TMEM68: variants seen among roughly 807,000 people sequenced by gnomAD.
The protein encoded by TMEM68 is DGAT1/2-independent enzyme synthesizing storage lipids.
TMEM68 carries 25 observed loss-of-function variants against 36.9 expected under a neutral mutation model. That is an observed-to-expected ratio of 0.68 (90% CI 0.49 to 0.95). TMEM68 has a LOEUF of 0.95. TMEM68 is among the 40% of genes least tolerant of loss of function. The pLI is 0.00. For missense variants in TMEM68, 333 were observed against 392.0 expected, an observed-to-expected ratio of 0.85 and a Z score of 1.27; for synonymous variants, 131 against 124.4, an observed-to-expected ratio of 1.05 and a Z score of -0.35.
chr8:55,753,397 A>G (rs779945847), intron 4 of TMEM68, among the ~76,000 whole-genome samples: 12 of 152,220 alleles, frequency 7.9e-5, no homozygotes, highest in Non-Finnish European at 1.5e-4. Context: ...GAAGTAAAAT[A>G]AATCAAAATG....
Position 55,750,764 on chromosome 8 carries a change from T to A in TMEM68, c.687+200A>T, listed in dbSNP as rs1585713600. 1.4e-5 allele frequency: 7 copies of A among 486,262 alleles called. No homozygotes were observed. In the East Asian group the frequency reaches 2.8e-4, roughly 20 times the overall value. 30.1% of individuals were successfully genotyped at this position (486,262 alleles called of 1,614,324 possible). On this transcript the variant is annotated intron_variant, in intron 5 of 7. Transcript: ENST00000434581. ...CATGTTGGCCAGGCTGGTCTCAAAC[T>A]CCTGACCTCATGATACATCCACCTC...
chr8:55,748,831 T>C (rs1297543422), intron 5 of TMEM68, among the ~76,000 whole-genome samples: 2 of 152,134 alleles, frequency 1.3e-5, no homozygotes. Flanking sequence ...CCTCAAGTGA[T>C]CCTCCTGCCT....
chr8:55,758,767 C>A (rs957317467), intron 3 of TMEM68, among the ~76,000 whole-genome samples: 23 of 152,156 alleles, frequency 1.5e-4, no homozygotes, highest in Non-Finnish European at 1.0e-4. Flanking sequence ...GATCGTGCCA[C>A]TGCACTCCAG....
intron 4 of TMEM68, among the ~76,000 whole-genome samples, chr8:55,752,721 C>CT (rs61195952): frequency 0.016 from 1,681 of 102,718 alleles, 24 homozygotes; most frequent in African/African-American, 0.032. Context: ...TATAGGATCC[C>CT]TTTTTTTTTT....
At chr8:55,741,349 T>C (rs1810096776) in intron 7 of TMEM68, among the ~76,000 whole-genome samples, 1 of 152,256 alleles carries the variant, frequency 6.6e-6, no homozygotes, top group Admixed American at 6.5e-5. Flanking sequence ...CTTCAGGTAC[T>C]TAACACAGTG....
At position 55,739,931 on chromosome 8, in the gene TMEM68, G is replaced by A. The variant is rs1810046891; in HGVS notation, c.*201C>T. On this transcript the variant is annotated 3_prime_UTR_variant, in exon 8 of 8. Transcript: ENST00000434581. Reference sequence around the variant, plus strand: ...AAGACATCTTTTTCTGAATTACTAGGTGTGTAATTTGTTAGTATTTGACAC... The same window carrying A: ...AAGACATCTTTTTCTGAATTACTAGATGTGTAATTTGTTAGTATTTGACAC... 2.0e-6 allele frequency: 1 copy of A among 495,040 alleles called. No homozygotes were observed. Among genetic ancestry groups the A allele is most frequent in the Admixed American group, 3.8e-5 (1 of 26,326 alleles). 30.7% of individuals were successfully genotyped at this position (495,040 alleles called of 1,614,324 possible). A position where few individuals can be genotyped will look rare whatever the true frequency, so the allele number is the denominator to read the frequency against.
At chr8:55,760,044 T>C (rs1810734990) in intron 3 of TMEM68, among the ~76,000 whole-genome samples, 1 of 152,372 alleles carries the variant, frequency 6.6e-6, no homozygotes, top group Middle Eastern at 3.4e-3. Flanking sequence ...AGCTTCCTGC[T>C]AACACAGCCT....
chr8:55,757,268 C>G (rs1810635066), intron 3 of TMEM68, among the ~76,000 whole-genome samples: 1 of 152,120 alleles, frequency 6.6e-6, no homozygotes, highest in Non-Finnish European at 1.5e-5. Flanking sequence ...GGGTGATAAA[C>G]CCCTCTAAGG....
At chr8:55,758,817 A>G (rs1386961100) in intron 3 of TMEM68, among the ~76,000 whole-genome samples, 2 of 152,202 alleles carry the variant, frequency 1.3e-5, no homozygotes, top group African/African-American at 4.8e-5. Flanking sequence ...AAAAATAAAA[A>G]TAAATAAATA....
chr8:55,765,663 C>A (rs1385042803), intron 1 of TMEM68, among the ~76,000 whole-genome samples: 2 of 152,192 alleles, frequency 1.3e-5, no homozygotes, highest in African/African-American at 4.8e-5. Context: ...ACAAACTACA[C>A]TTGAAAAAAA....
rs772434957 is a variant in TMEM68, at chr8:55,762,911, A to G, written c.49T>C (p.Tyr17His). Reference protein sequence around the residue: ...TCGVGQDSVPYMICLIHILEE... With the variant: ...TCGVGQDSVPHMICLIHILEE... ...AGTATGTGAATCAGACAAATCATAT[A>G]GGGCACAGAATCCTGTCCTACACCA... The change falls in exon 3 of 8, where the codon TAT (tyrosine) becomes CAT (histidine). Residue 17 changes from tyrosine to histidine, a missense_variant. By Grantham distance (83) the Tyr-to-His change is moderately conservative (BLOSUM62 2). Transcript: ENST00000434581. 3 of 1,613,868 alleles carry G rather than the reference A, an allele frequency of 1.9e-6. No individual in the cohort carries two copies. Among genetic ancestry groups the G allele is most frequent in the South Asian group, 2.2e-5 (2 of 90,960 alleles).
Position 55,762,852 on chromosome 8 carries a change from G to C in TMEM68, c.108C>G (p.Asp36Glu). The C allele has an allele frequency of 6.2e-7, 1 of 1,614,142 alleles. No individual in the cohort carries two copies. The highest frequency in any genetic ancestry group is 8.5e-7 in the Non-Finnish European group (1 of 1,180,020). The change falls in exon 3 of 8, where the codon GAC becomes GAG. Residue 36 changes from aspartate to glutamate, a missense_variant. Coordinates refer to ENST00000434581, the MANE Select transcript of TMEM68 (RefSeq NM_001286657.2). ...EEWFGVEQLE[D>E]YLNFANYLLW... ...AGAGATAGTTTGCAAAATTCAAATA[G>C]TCCTCCAACTGCTCCACACCAAACC...
intron 3 of TMEM68, among the ~76,000 whole-genome samples, chr8:55,758,791 G>C (rs1265192305): frequency 6.6e-6 from 1 of 152,142 alleles, no homozygotes; most frequent in African/African-American, 2.4e-5. Flanking sequence ...GGGTGACAGT[G>C]CGAGACCCTG....
At chr8:55,767,299 T>C (rs1308285104) in intron 1 of TMEM68, among the ~76,000 whole-genome samples, 1 of 152,196 alleles carries the variant, frequency 6.6e-6, no homozygotes, top group Non-Finnish European at 1.5e-5. Context: ...CTTATAAGCA[T>C]CTAAGCATAG....
intron 5 of TMEM68, chr8:55,747,915 G>GA (rs946068151): frequency 1.3e-5 from 2 of 152,044 alleles, no homozygotes; most frequent in African/African-American, 4.8e-5. Flanking sequence ...TATATCTACT[G>GA]ACTGGCATGA....
chr8:55,756,819 G>T (rs1810622582), intron 3 of TMEM68, among the ~76,000 whole-genome samples: 1 of 152,164 alleles, frequency 6.6e-6, no homozygotes, highest in Non-Finnish European at 1.5e-5. Flanking sequence ...GTCAGAGCCT[G>T]AGTGAAATGG....
chr8:55,754,631 CATTAT>C (rs1810524522), intron 4 of TMEM68, among the ~76,000 whole-genome samples: 1 of 122,568 alleles, frequency 8.2e-6, no homozygotes, highest in Non-Finnish European at 1.6e-5. Flanking sequence ...AAAATACATA[CATTAT>C]ATAATATATA....
At chr8:55,758,618 C>A (rs1031117455) in intron 3 of TMEM68, among the ~76,000 whole-genome samples, 2 of 152,178 alleles carry the variant, frequency 1.3e-5, no homozygotes, top group Non-Finnish European at 2.9e-5. Context: ...TCAGCCTGGG[C>A]AACATGGCAA....
In TMEM68 at chr8:55,743,802, A is replaced by G. The variant is rs141323485; in HGVS notation, c.749-182T>C. Among the ~76,000 whole-genome samples the G allele has an allele frequency of 3.8e-3, 580 of 152,272 alleles. 7 individuals carry two copies. The highest frequency in any genetic ancestry group is 0.013 in the African/African-American group (525 of 41,562). ...CAATTTTAACAAATATATCACACCAATGCAAGATATTAATAATAGGAGAAA... is the reference window on the plus strand; with the variant it reads ...CAATTTTAACAAATATATCACACCAGTGCAAGATATTAATAATAGGAGAAA... On this transcript the variant is annotated intron_variant, in intron 6 of 7. Transcript: ENST00000434581.
Sources: allele counts gnomAD v4.1 joint callset (sites outside exome capture counted in the v4.1 genomes callset), GRCh38; gene constraint gnomAD v4.1.1; transcripts MANE v1.5; gene names NCBI Gene and HGNC (gene_info 2026-07-23, HGNC 2026-07-21).